Variants in CAMKK2 observed in about 807,000 individuals in gnomAD.
CAMKK2 encodes the protein calcium/calmodulin dependent protein kinase kinase 2.
Under a neutral mutation model 67.2 loss-of-function variants are expected in CAMKK2, and 30 were observed. The ratio of observed to expected loss-of-function variants is 0.45; its 90% CI spans 0.33 to 0.61. The LOEUF is 0.61. Ranked by LOEUF, CAMKK2 falls within the 20% of genes least tolerant of loss-of-function variation. The pLI is 0.02. For synonymous variants in CAMKK2, 322 were observed against 326.2 expected, an observed-to-expected ratio of 0.99 and a Z score of 0.14; for missense variants, 643 against 802.0, an observed-to-expected ratio of 0.80 and a Z score of 2.39.
intron 6 of CAMKK2, chr12:121,260,608 G>T: frequency 1.8e-6 from 1 of 544,058 alleles, no homozygotes; most frequent in Non-Finnish European, 3.2e-6. Context: ...GGTCGCAAAA[G>T]GGAGGGGCCA....
chr12:121,262,040 C>T (rs1893555584), intron 6 of CAMKK2, among the ~76,000 whole-genome samples: 1 of 152,208 alleles, frequency 6.6e-6, no homozygotes, highest in Admixed American at 6.5e-5. Context: ...GCCTTTTTGA[C>T]TATCATTCTC....
At position 121,240,184 on chromosome 12, in the gene CAMKK2, C is replaced by T. The variant is rs1888084512; in HGVS notation, c.*515G>A. 1.9e-6 allele frequency: 1 copy of T among 538,130 alleles called. No individual in the cohort carries two copies. The highest frequency in any genetic ancestry group is 2.5e-5 in the South Asian group (1 of 39,554). The allele number at this position is 538,130 out of a possible 1,614,324, so 33.3% of individuals were successfully genotyped here. A position where few individuals can be genotyped will look rare whatever the true frequency, so the allele number is the denominator to read the frequency against. On this transcript the variant is annotated 3_prime_UTR_variant, in exon 17 of 17. Coordinates refer to ENST00000404169, the MANE Select transcript of CAMKK2 (RefSeq NM_001270485.2). This position sits in a 1 kb window ranked among gnomAD's most constrained non-coding sequence, Gnocchi z 4.4. ...GCTCCCTGCAGCTACTGAGGGCCAGCCCTGCTCTGACTCCTTGAGACCACG... is the reference window on the plus strand; with the variant it reads ...GCTCCCTGCAGCTACTGAGGGCCAGTCCTGCTCTGACTCCTTGAGACCACG...
intron 5 of CAMKK2, among the ~76,000 whole-genome samples, chr12:121,264,776 A>T (rs867141543): frequency 7.1e-6 from 1 of 139,954 alleles, no homozygotes; most frequent in Admixed American, 7.2e-5. Flanking sequence ...TCAGTCTCAA[A>T]AATAATAATA....
intron 1 of CAMKK2, among the ~76,000 whole-genome samples, chr12:121,278,801 G>T (rs565883278): frequency 6.6e-6 from 1 of 152,306 alleles, no homozygotes; most frequent in Non-Finnish European, 1.5e-5. Flanking sequence ...GCGTGAAAAC[G>T]GACTAATACA....
At chr12:121,295,746 A>C (rs1901018637) in intron 1 of CAMKK2, among the ~76,000 whole-genome samples, 1 of 152,112 alleles carries the variant, frequency 6.6e-6, no homozygotes, top group Non-Finnish European at 1.5e-5. Context: ...CCCTCCCCAA[A>C]GCTCAGCCTT....
rs201146989 is a variant in CAMKK2, at chr12:121,274,319, G to A, written c.208C>T (p.Arg70Trp). Residue 70 changes from arginine to tryptophan, a missense_variant, in exon 2 of 17, where the codon CGG (arginine) becomes TGG (tryptophan). Physicochemically the swap from Arg to Trp is moderately radical, Grantham distance 101. Coordinates refer to ENST00000404169, the MANE Select transcript of CAMKK2 (RefSeq NM_001270485.2). The stretch of plus-strand genomic sequence containing the variant: ...CCATCGGCCTCCAGGGGCCGGTCCC[G>A]CGCCAAGCCGAGGTCCACAGCACAG... ...PGCAVDLGLARDRPLEADGQE... is the reference protein window; with the variant it reads ...PGCAVDLGLAWDRPLEADGQE... 22 of 1,613,122 alleles carry A rather than the reference G, an allele frequency of 1.4e-5. No homozygotes were observed. Among genetic ancestry groups the A allele is most frequent in the African/African-American group, 5.3e-5 (4 of 74,932 alleles).
chr12:121,269,062 G>A (rs928594281), intron 4 of CAMKK2, among the ~76,000 whole-genome samples: 7 of 137,700 alleles, frequency 5.1e-5, no homozygotes, highest in Non-Finnish European at 8.0e-5. Context: ...CTGAGGCTCA[G>A]CTGTTTTACA....
intron 1 of CAMKK2, among the ~76,000 whole-genome samples, chr12:121,292,979 A>G (rs1284648607): frequency 6.6e-6 from 1 of 150,632 alleles, no homozygotes; most frequent in Admixed American, 6.6e-5. Context: ...AAAAGAAAAA[A>G]AAAAAGAAAA....
Position 121,250,063 on chromosome 12 carries a change from G to A in CAMKK2, c.1162-29C>T. On this transcript the variant is annotated intron_variant, in intron 11 of 16. Coordinates refer to ENST00000404169, the MANE Select transcript of CAMKK2 (RefSeq NM_001270485.2). ...CAAAGAGGCCAGGGACAGAGTGGCA[G>A]TCAATGGCGGCCACATCTGCCCTTC... 1.9e-6 allele frequency: 3 copies of A among 1,582,266 alleles called. No homozygotes were observed. The South Asian group carries it at 3.4e-5, about 18-fold the overall frequency.
intron 1 of CAMKK2, among the ~76,000 whole-genome samples, chr12:121,276,671 C>A (rs890889457): frequency 6.6e-6 from 1 of 151,846 alleles, no homozygotes; most frequent in Non-Finnish European, 1.5e-5. Flanking sequence ...ACCCACATCA[C>A]AAAGGGTCTC....
chr12:121,266,297 C>T (rs932830697), intron 5 of CAMKK2, among the ~76,000 whole-genome samples: 1 of 152,184 alleles, frequency 6.6e-6, no homozygotes, highest in Admixed American at 6.5e-5. Flanking sequence ...GCCACCCAGT[C>T]TCTCGTACGT....
intron 1 of CAMKK2, among the ~76,000 whole-genome samples, chr12:121,277,338 G>A (rs1324866608): frequency 6.6e-6 from 1 of 152,190 alleles, no homozygotes; most frequent in Non-Finnish European, 1.5e-5. Flanking sequence ...TCCCCAAAAA[G>A]TTAAACGTAG....
At chr12:121,286,909 G>A (rs777200485) in intron 1 of CAMKK2, among the ~76,000 whole-genome samples, 1 of 151,458 alleles carries the variant, frequency 6.6e-6, no homozygotes, top group African/African-American at 2.4e-5. Context: ...CTTTTTTTGG[G>A]GGGCGGGGCG....
At position 121,253,327 on chromosome 12, in the gene CAMKK2, G is replaced by A. The variant is rs56131600; in HGVS notation, c.1053C>T (p.Pro351=). 5.4e-3 allele frequency: 8,700 copies of A among 1,614,162 alleles called. 368 individuals are homozygous for A. In the African/African-American group the frequency reaches 0.094, roughly 18 times the overall value. Reference sequence around the variant, plus strand: ...AGAGCGACTCGGGTGCCATGAAGGCGGGCGTGCCCACGGTGTTGGAGAGGA... The same window carrying A: ...AGAGCGACTCGGGTGCCATGAAGGCAGGCGTGCCCACGGTGTTGGAGAGGA... ...DALLSNTVGT[P]AFMAPESLSE... Residue 351 remains proline, a synonymous_variant, in exon 10 of 17, where the codon CCC becomes CCT. Coordinates refer to ENST00000404169, the MANE Select transcript of CAMKK2 (RefSeq NM_001270485.2). The surrounding 1 kb of genome is among the most constrained non-coding windows in gnomAD (Gnocchi z 5.0).
intron 1 of CAMKK2, among the ~76,000 whole-genome samples, chr12:121,291,033 T>G (rs1023804940): frequency 3.3e-5 from 5 of 152,198 alleles, no homozygotes; most frequent in Non-Finnish European, 7.3e-5. Context: ...TTGGCCAGAC[T>G]GGTCTTGAAC....
chr12:121,280,736 G>A (rs550838322), intron 1 of CAMKK2, among the ~76,000 whole-genome samples: 1 of 152,098 alleles, frequency 6.6e-6, no homozygotes, highest in South Asian at 2.1e-4. Flanking sequence ...CTCCCATAGC[G>A]CTCCCATCTC....
intron 1 of CAMKK2, among the ~76,000 whole-genome samples, chr12:121,278,297 TG>T: frequency 6.6e-6 from 1 of 152,328 alleles, no homozygotes; most frequent in Middle Eastern, 3.4e-3. Context: ...CAAGATACCC[TG>T]AAGTTCAACA....
intron 15 of CAMKK2, among the ~76,000 whole-genome samples, 173 bp from the exon 16 acceptor site, chr12:121,244,788 G>C (rs1889100704): frequency 6.6e-6 from 1 of 152,320 alleles, no homozygotes; most frequent in African/African-American, 2.4e-5. Flanking sequence ...GACACACAGG[G>C]TCCTGAGTGA....
At chr12:121,247,731 G>A (rs1475911305) in intron 14 of CAMKK2, among the ~76,000 whole-genome samples, 1 of 152,170 alleles carries the variant, frequency 6.6e-6, no homozygotes, top group Non-Finnish European at 1.5e-5. Context: ...GCAGAGAAGA[G>A]AGGTGCAAAG....
Sources: allele counts gnomAD v4.1 joint callset (sites outside exome capture counted in the v4.1 genomes callset), GRCh38; gene constraint gnomAD v4.1.1; non-coding constraint Gnocchi (gnomAD v3.1); transcripts MANE v1.5; gene names NCBI Gene and HGNC (gene_info 2026-07-23, HGNC 2026-07-21).